Variants in RIF1 observed in about 807,000 individuals in gnomAD.
RIF1 encodes telomere-associated protein RIF1.
A neutral mutation model predicts 247.1 loss-of-function variants in RIF1; 45 were observed. The observed-to-expected ratio is 0.18, with a 90% CI of 0.14 to 0.23. RIF1 has a LOEUF of 0.23. Ranked by LOEUF, RIF1 falls within the 10% of genes least tolerant of loss-of-function variation. RIF1 has a pLI of 1.00. For missense variants in RIF1, 2,967 were observed against 2,862.5 expected, an observed-to-expected ratio of 1.04 and a Z score of -0.83; for synonymous variants, 1,087 against 978.8, an observed-to-expected ratio of 1.11 and a Z score of -2.06.
At chr2:151,439,972 C>CAAAAAA (rs1165450117) in intron 14 of RIF1, 55 bp from the exon 15 acceptor site, 6,520 of 274,578 alleles carry the variant, frequency 0.024, 126 homozygotes, top group Non-Finnish European at 0.027. Flanking sequence ...GACCCTGTCT[C>CAAAAAA]AAAAAAAAAA....
intron 24 of RIF1, 120 bp from the exon 25 acceptor site, chr2:151,458,687 GTCTT>G (rs899108531): frequency 4.2e-6 from 2 of 472,248 alleles, no homozygotes; most frequent in Non-Finnish European, 7.5e-6. Flanking sequence ...GTAAGGAACA[GTCTT>G]TATTTAAAAA....
chr2:151,491,609 C>T, intron 9 of RIF1: 2 of 1,253,342 alleles, frequency 1.6e-6, no homozygotes, highest in Non-Finnish European at 2.3e-6. Flanking sequence ...AACTTCAGAG[C>T]CCAAATGAAA....
At chr2:151,504,336 CTCTTCACCCAA>C (rs1245879848) in intron 12 of RIF1, among the ~76,000 whole-genome samples, 2 of 152,154 alleles carry the variant, frequency 1.3e-5, no homozygotes, top group Non-Finnish European at 2.9e-5. Context: ...CATTTCTTTA[CTCTTCACCCAA>C]CAAAGCAGCA....
At chr2:151,517,687 A>G in the RIF1 span, among the ~76,000 whole-genome samples, 1 of 152,192 alleles carries the variant, frequency 6.6e-6, no homozygotes, top group South Asian at 2.1e-4. Flanking sequence ...TGTACAGCAT[A>G]TTATTTTACT....
Position 151,410,617 on chromosome 2 carries a change from G to A in RIF1, c.104+90G>A. Reference sequence around the variant, plus strand: ...TGGGAGGGGCGCGTAGAATGAATGTGAGTTCTAGAAGTCTAGCAAATGTGA... The same window carrying A: ...TGGGAGGGGCGCGTAGAATGAATGTAAGTTCTAGAAGTCTAGCAAATGTGA... On this transcript the variant is annotated intron_variant, in intron 2 of 35. Transcript: ENST00000444746. 4.7e-6 allele frequency: 5 copies of A among 1,068,080 alleles called. No homozygotes were observed. In the South Asian group the frequency reaches 6.8e-5, roughly 14 times the overall value. 66.2% of individuals were successfully genotyped at this position (1,068,080 alleles called of 1,614,324 possible).
the RIF1 span, chr2:151,529,158 T>C: frequency 7.2e-6 from 9 of 1,247,860 alleles, no homozygotes; most frequent in Middle Eastern, 5.6e-4. Context: ...CCATGTGTCC[T>C]ACAGAAGCTG....
At chr2:151,456,739 T>A in intron 23 of RIF1, 119 bp downstream of exon 23, 1 of 573,064 alleles carries the variant, frequency 1.7e-6, no homozygotes, top group Non-Finnish European at 2.9e-6. Context: ...TCTTTCTTTC[T>A]TTTTTTCCTG....
In RIF1 at chr2:151,481,324, C is replaced by T. The variant is rs949378441; in HGVS notation, c.*6253C>T. 6.6e-6 allele frequency: 1 copy of T among 152,202 alleles called. No individual in the cohort carries two copies. The highest frequency in any genetic ancestry group is 1.5e-5 in the Non-Finnish European group (1 of 68,034). The allele number at this position is 152,202 out of a possible 1,614,324, so 9.4% of individuals were successfully genotyped here. ...TTTACTTACGTGTTTTACTATTGCT[C>T]AAATTACAGATACTAGGAAACACTA... On this transcript the variant is annotated 3_prime_UTR_variant, in exon 36 of 36. Transcript: ENST00000444746.
intron 11 of RIF1, chr2:151,502,995 T>C (rs2065893576): frequency 1.5e-6 from 1 of 650,734 alleles, no homozygotes; most frequent in South Asian, 1.9e-5. Flanking sequence ...TTTTAGTAAG[T>C]AATATTTAGT....
intron 11 of RIF1, chr2:151,502,840 T>C (rs753151349): frequency 1.2e-6 from 2 of 1,607,752 alleles, no homozygotes; most frequent in Non-Finnish European, 1.7e-6. Context: ...ATCTCTGGAG[T>C]GATAGGTGTT....
the RIF1 span, among the ~76,000 whole-genome samples, chr2:151,517,192 A>C: frequency 6.6e-6 from 1 of 152,226 alleles, no homozygotes; most frequent in African/African-American, 2.4e-5. Flanking sequence ...TGTATAAATA[A>C]AATTTTCTCA....
intron 10 of RIF1, among the ~76,000 whole-genome samples, chr2:151,435,017 A>G (rs961525330): frequency 6.6e-6 from 1 of 152,186 alleles, no homozygotes; most frequent in Non-Finnish European, 1.5e-5. Context: ...GGCATTGTCA[A>G]CAATGTAATT....
rs112916919 is a variant in RIF1, at chr2:151,491,629, T to C, written c.*416-3600T>C. ...CAGAGCCCAAATGAAAGTCATTGAC[T>C]CTAGCATACTAAATGGTGATGTTTA... On this transcript the variant is annotated intron_variant and NMD_transcript_variant, in intron 9 of 13. Coordinates refer to the RIF1 transcript ENST00000454583. 3,633 of 1,381,304 alleles carry C rather than the reference T, an allele frequency of 2.6e-3. 75 individuals carry two copies. In the African/African-American group the frequency reaches 0.045, roughly 17 times the overall value. The allele number at this position is 1,381,304 out of a possible 1,614,324, so 85.6% of individuals were successfully genotyped here. A position where few individuals can be genotyped will look rare whatever the true frequency, so the allele number is the denominator to read the frequency against.
At chr2:151,420,459 C>CCAGGTACGGTGGCTCTCA in intron 7 of RIF1, 80 bp downstream of exon 7, 1 of 1,378,874 alleles carries the variant, frequency 7.3e-7, no homozygotes, top group Middle Eastern at 2.1e-4. Flanking sequence ...AGTCTGGTGG[C>CCAGGTACGGTGGCTCTCA]CAGGTACGGT....
the RIF1 span, chr2:151,514,746 G>T: frequency 9.2e-7 from 1 of 1,090,588 alleles, no homozygotes; most frequent in South Asian, 1.5e-5. Flanking sequence ...ATGGTAGGAG[G>T]AACACATTAA....
chr2:151,506,197 CTCA>C (rs1337600394), intron 12 of RIF1: 3 of 1,613,544 alleles, frequency 1.9e-6, no homozygotes, highest in Admixed American at 1.7e-5. Context: ...TTGTTTCACT[CTCA>C]TCATCTCAGG....
chr2:151,446,542 G>C lies in RIF1; in HGVS notation c.2211G>C (p.Lys737Asn), dbSNP rs917400002. 1 of 1,612,908 alleles carries C rather than the reference G, an allele frequency of 6.2e-7. No homozygotes were observed. Among genetic ancestry groups the C allele is most frequent in the Admixed American group, 1.7e-5 (1 of 59,732 alleles). ...ENLCCEELSS[K>N]IMSSLEDEGF... is the part of the protein sequence containing the mutation. ...TGTGCTGTGAGGAACTTTCTTCCAA[G>C]ATAATGTCCAGTTTGGAAGATGAAG... Residue 737 changes from lysine to asparagine, a missense_variant, in exon 20 of 36, where the codon AAG (lysine) becomes AAC (asparagine). Physicochemically the swap from Lys to Asn is moderately conservative, Grantham distance 94. This residue lies in a region of RIF1 where 76 missense variants were observed against 113.3 expected (regional missense o/e 0.67). Coordinates refer to ENST00000444746, the MANE Select transcript of RIF1 (RefSeq NM_018151.5).
At chr2:151,430,014 T>C (rs1005267381) in intron 9 of RIF1, among the ~76,000 whole-genome samples, 1 of 152,116 alleles carries the variant, frequency 6.6e-6, no homozygotes, top group African/African-American at 2.4e-5. Flanking sequence ...TTTGCATTAA[T>C]GTATAATAAC....
rs373303714 is a variant in RIF1 at position 151,428,794 on chromosome 2, G to A, written c.797G>A (p.Arg266Gln). The part of the protein sequence containing the change: ...FVKLLGRTLH[R>Q]SGSFINSLLQ... ...TTTTCCCCTTTTTAGACCTTGCATCGAAGTGGGAGTTTCATCAATTCTCTC... is the reference window on the plus strand; with the variant it reads ...TTTTCCCCTTTTTAGACCTTGCATCAAAGTGGGAGTTTCATCAATTCTCTC... The change falls in exon 9 of 36, where the codon CGA (arginine) becomes CAA (glutamine). Residue 266 changes from arginine (R) to glutamine (Q), a missense_variant. Physicochemically the swap from Arg to Gln is conservative, Grantham distance 43 (BLOSUM62 1). Transcript: ENST00000444746. The A allele has an allele frequency of 4.4e-6, 7 of 1,604,136 alleles. No homozygotes were observed. The highest frequency in any genetic ancestry group is 6.0e-6 in the Non-Finnish European group (7 of 1,171,508).
Sources: gnomAD v4.1 joint callset for allele counts (sites outside exome capture counted in the v4.1 genomes callset) on GRCh38, gnomAD v4.1.1 for gene constraint, gnomAD v4.1.1 regional missense constraint, MANE v1.5 for transcripts, NCBI Gene and HGNC (gene_info 2026-07-23, HGNC 2026-07-21) for gene names.